NRXN1: variants seen among roughly 807,000 people sequenced by gnomAD.
NRXN1 encodes neurexin 1.
NRXN1 carries 39 observed loss-of-function variants against 150.9 expected under a neutral mutation model. The observed-to-expected ratio is 0.26, with a 90% CI of 0.20 to 0.34. The LOEUF (loss-of-function observed/expected upper bound fraction) is 0.34, where lower values mean the gene tolerates loss of function less well. Ranked by LOEUF, NRXN1 falls within the 10% of genes least tolerant of loss-of-function variation. The probability of loss-of-function intolerance (pLI) is 1.00; values close to 1 mark genes in which losing one functional copy is unlikely to be tolerated. For missense variants in NRXN1, 1,815 were observed against 1,949.9 expected, an observed-to-expected ratio of 0.93 and a Z score of 1.30; for synonymous variants, 924 against 757.0, an observed-to-expected ratio of 1.22 and a Z score of -3.62.
At chr2:50,913,680 G>A (rs909627237) in intron 5 of NRXN1, among the ~76,000 whole-genome samples, 2 of 151,644 alleles carry the variant, frequency 1.3e-5, no homozygotes, top group South Asian at 2.1e-4. Context: ...AAGTTAACAC[G>A]AATAATTAAT....
Position 51,028,346 on chromosome 2 carries a change from G to T in NRXN1, c.-73C>A. On this transcript the variant is annotated 5_prime_UTR_variant, in exon 2 of 23. Transcript: ENST00000401669. The stretch of plus-strand genomic sequence containing the variant: ...AAATGGTCCTGGACACCGTGACGAA[G>T]AAATAAGGGTCCCGAGAGACAGAAA... 9.8e-7 allele frequency: 1 copy of T among 1,020,772 alleles called. No homozygotes were observed. Among genetic ancestry groups the T allele is most frequent in the Non-Finnish European group, 1.3e-6 (1 of 743,632 alleles). The allele number at this position is 1,020,772 out of a possible 1,614,324, so 63.2% of individuals were successfully genotyped here.
chr2:50,742,209 G>C (rs752874128), intron 5 of NRXN1, among the ~76,000 whole-genome samples: 2 of 151,808 alleles, frequency 1.3e-5, no homozygotes, highest in Admixed American at 6.6e-5. Context: ...CAAAGAGAAA[G>C]AAATTTAACT....
At chr2:50,033,507 C>G (rs1309532786) in intron 21 of NRXN1, among the ~76,000 whole-genome samples, 3 of 151,952 alleles carry the variant, frequency 2.0e-5, no homozygotes, top group Non-Finnish European at 4.4e-5. Context: ...AATGTAAAAC[C>G]CCAAACTACA....
chr2:50,240,738 G>GA (rs2065927978), intron 17 of NRXN1, among the ~76,000 whole-genome samples: 1 of 151,496 alleles, frequency 6.6e-6, no homozygotes, highest in African/African-American at 2.4e-5. Context: ...ATTCCTATTT[G>GA]AAAAAAGATG....
At chr2:50,610,498 T>A (rs1677860939) in intron 8 of NRXN1, among the ~76,000 whole-genome samples, 1 of 150,896 alleles carries the variant, frequency 6.6e-6, no homozygotes, top group Admixed American at 6.6e-5. Context: ...ATTAGAGAAA[T>A]TTTTCATACC....
At chr2:50,748,514 C>T (rs887781435) in intron 5 of NRXN1, among the ~76,000 whole-genome samples, 1 of 152,020 alleles carries the variant, frequency 6.6e-6, no homozygotes, top group Non-Finnish European at 1.5e-5. Flanking sequence ...TAATTAATCC[C>T]CATAAGCATA....
At chr2:50,460,379 T>C (rs1046542801) in intron 17 of NRXN1, among the ~76,000 whole-genome samples, 3 of 152,126 alleles carry the variant, frequency 2.0e-5, no homozygotes, top group East Asian at 1.9e-4. Flanking sequence ...AAAAGGCTGC[T>C]GAGAGTTGAA....
intron 17 of NRXN1, among the ~76,000 whole-genome samples, chr2:50,384,489 G>A (rs2081181284): frequency 8.8e-6 from 1 of 113,068 alleles, no homozygotes; most frequent in South Asian, 3.1e-4. Flanking sequence ...CTGAATGACA[G>A]AGCAAGACTC....
At chr2:50,505,434 G>C (rs1020014285) in intron 13 of NRXN1, among the ~76,000 whole-genome samples, 1 of 152,158 alleles carries the variant, frequency 6.6e-6, no homozygotes, top group Non-Finnish European at 1.5e-5. Flanking sequence ...TGATCTTGCC[G>C]TTGGCAGCTG....
At chr2:50,265,993 TTATTATTTA>T (rs754909459) in intron 17 of NRXN1, among the ~76,000 whole-genome samples, 7 of 105,378 alleles carry the variant, frequency 6.6e-5, no homozygotes, top group African/African-American at 1.7e-4. Flanking sequence ...ATTATTATTA[TTATTATTTA>T]TTTTTTTTTT....
chr2:50,807,420 T>TTTTACAA (rs1234948502), intron 5 of NRXN1, among the ~76,000 whole-genome samples: 2 of 152,024 alleles, frequency 1.3e-5, no homozygotes, highest in Non-Finnish European at 2.9e-5. Context: ...ATAACTCTTT[T>TTTTACAA]TTTACAATTT....
intron 17 of NRXN1, among the ~76,000 whole-genome samples, chr2:50,438,533 T>G (rs187773127): frequency 1.3e-5 from 2 of 152,216 alleles, no homozygotes; most frequent in Non-Finnish European, 2.9e-5. Flanking sequence ...TGTGTCAACT[T>G]GGAAATGATC....
chr2:50,454,814 T>A (rs2087376824), intron 17 of NRXN1, among the ~76,000 whole-genome samples: 1 of 151,866 alleles, frequency 6.6e-6, no homozygotes, highest in Non-Finnish European at 1.5e-5. Flanking sequence ...AAACTACAGA[T>A]GAGAAATAAA....
At chr2:50,174,199 C>T (rs997283812) in intron 18 of NRXN1, among the ~76,000 whole-genome samples, 9 of 151,646 alleles carry the variant, frequency 5.9e-5, no homozygotes, top group African/African-American at 2.2e-4. Context: ...TTAAAAAATA[C>T]AAAAAAGAGA....
In NRXN1 at chr2:50,437,891, T is replaced by C. The variant is rs1055832667; in HGVS notation, c.3364+27551A>G. 3.9e-5 allele frequency among the ~76,000 whole-genome samples: 6 copies of C among 152,218 alleles called. No individual in the cohort carries two copies. The South Asian group carries it at 6.2e-4, about 16-fold the overall frequency. On this transcript the variant is annotated intron_variant, in intron 17 of 22. Coordinates refer to ENST00000401669, the MANE Select transcript of NRXN1 (RefSeq NM_001330078.2). Reference sequence around the variant, plus strand: ...AAAATTCATTTGTGAATGTCCATTCTATAACAATCATCAAAACACAATTTC... The same window carrying C: ...AAAATTCATTTGTGAATGTCCATTCCATAACAATCATCAAAACACAATTTC...
intron 2 of NRXN1, among the ~76,000 whole-genome samples, chr2:50,934,107 C>G (rs113228416): frequency 1.3e-5 from 2 of 152,074 alleles, no homozygotes; most frequent in Non-Finnish European, 2.9e-5. Context: ...AAGCTCCTCC[C>G]TAAACATCAG....
intron 5 of NRXN1, among the ~76,000 whole-genome samples, chr2:50,715,398 T>A (rs1474508598): frequency 6.6e-6 from 1 of 152,160 alleles, no homozygotes; most frequent in African/African-American, 2.4e-5. Flanking sequence ...CCTGTGATTG[T>A]AATAAAAATG....
intron 5 of NRXN1, among the ~76,000 whole-genome samples, chr2:50,798,638 C>T (rs543392920): frequency 2.2e-4 from 33 of 152,246 alleles, no homozygotes; most frequent in African/African-American, 6.5e-4. Flanking sequence ...GGAGGCTATA[C>T]GCTGATTGAT....
At chr2:50,782,229 G>A (rs1012060204) in intron 5 of NRXN1, among the ~76,000 whole-genome samples, 5 of 152,042 alleles carry the variant, frequency 3.3e-5, no homozygotes, top group Non-Finnish European at 7.4e-5. Flanking sequence ...TACACTTTGG[G>A]AGGCCGAGGA....
Sources: gnomAD v4.1 joint callset for allele counts (sites outside exome capture counted in the v4.1 genomes callset) on GRCh38, gnomAD v4.1.1 for gene constraint, MANE v1.5 for transcripts, NCBI Gene and HGNC (gene_info 2026-07-23, HGNC 2026-07-21) for gene names.